The following STPG2 variants were observed in gnomAD, a reference collection of about 807,000 sequenced individuals.
STPG2 encodes the protein sperm tail PG-rich repeat containing 2.
A neutral mutation model predicts 54.2 loss-of-function variants in STPG2; 56 were observed. That is an observed-to-expected ratio of 1.03 (90% CI 0.83 to 1.29). The LOEUF is 1.29. STPG2 is among the 50% of genes most tolerant of loss of function. The pLI is 0.00. For synonymous variants in STPG2, 200 were observed against 181.8 expected (o/e 1.10, Z -0.81); for missense variants, 596 against 544.9 (o/e 1.09, Z -0.93).
At chr4:98,011,730 A>G (rs1735758255) in intron 5 of STPG2, among the ~76,000 whole-genome samples, 1 of 151,978 alleles carries the variant, frequency 6.6e-6, no homozygotes, top group South Asian at 2.1e-4. Context: ...AGCTTTTTTC[A>G]TATGTTTGTT....
In STPG2 at chr4:97,862,661, C is replaced by G. The variant is rs543727214; in HGVS notation, c.1045-21729G>C. Among the ~76,000 whole-genome samples the G allele has an allele frequency of 4.6e-5, 7 of 152,212 alleles. No individual in the cohort carries two copies. In the South Asian group the frequency reaches 1.5e-3, roughly 32 times the overall value. Reference sequence around the variant, plus strand: ...AATATACATTCTTCTCAGCACCACACCACACCTATTCCAAAATTCACCACG... The same window carrying G: ...AATATACATTCTTCTCAGCACCACAGCACACCTATTCCAAAATTCACCACG... On this transcript the variant is annotated intron_variant, in intron 8 of 10. Coordinates refer to ENST00000295268, the MANE Select transcript of STPG2 (RefSeq NM_174952.3).
chr4:97,578,357 A>G lies in STPG2; in HGVS notation c.1321-19240T>C, dbSNP rs184513558. Among the ~76,000 whole-genome samples the G allele has an allele frequency of 4.1e-3, 626 of 152,218 alleles. 3 individuals carry two copies. Among genetic ancestry groups the G allele is most frequent in the South Asian group, 0.02 (95 of 4,820 alleles). ...TCTATGACCAAATTATCTGGCCTAAAGAGGAGGTCATGGGAAGTTTCAATA... is the reference window on the plus strand; with the variant it reads ...TCTATGACCAAATTATCTGGCCTAAGGAGGAGGTCATGGGAAGTTTCAATA... On this transcript the variant is annotated intron_variant, in intron 10 of 10. Transcript: ENST00000295268.
chr4:97,846,903 C>T (rs920893140), intron 8 of STPG2, among the ~76,000 whole-genome samples: 2 of 152,072 alleles, frequency 1.3e-5, no homozygotes, highest in South Asian at 2.1e-4. Context: ...TATCTTATAA[C>T]TTGTTCTAGC....
chr4:97,659,357 C>T (rs1722307676), intron 10 of STPG2, among the ~76,000 whole-genome samples: 2 of 152,146 alleles, frequency 1.3e-5, no homozygotes, highest in African/African-American at 4.8e-5. Flanking sequence ...TTCTACAAAG[C>T]ACTGAAGATA....
intron 10 of STPG2, among the ~76,000 whole-genome samples, chr4:97,635,410 G>T (rs1205657882): frequency 6.6e-6 from 1 of 152,156 alleles, no homozygotes; most frequent in Non-Finnish European, 1.5e-5. Flanking sequence ...AGACCATTGA[G>T]ACTAGGAAGA....
At chr4:97,850,873 T>A (rs543776357) in intron 8 of STPG2, among the ~76,000 whole-genome samples, 431 of 152,304 alleles carry the variant, frequency 2.8e-3, no homozygotes, top group African/African-American at 7.2e-3. Context: ...AATGAATGAA[T>A]ACTGGGTAAG....
intron 10 of STPG2, among the ~76,000 whole-genome samples, chr4:97,702,888 T>G (rs1723818329): frequency 6.6e-6 from 1 of 152,140 alleles, no homozygotes. Flanking sequence ...AGAGCTTGTG[T>G]CTATTTTTCC....
intron 9 of STPG2, among the ~76,000 whole-genome samples, chr4:97,778,393 G>A (rs540241335): frequency 1.4e-4 from 22 of 152,278 alleles, no homozygotes; most frequent in Non-Finnish European, 2.2e-4. Context: ...GGGGAGGGGC[G>A]TCCAACATTG....
intron 8 of STPG2, among the ~76,000 whole-genome samples, chr4:97,942,422 AAC>A (rs1733022086): frequency 6.6e-6 from 1 of 152,094 alleles, no homozygotes; most frequent in African/African-American, 2.4e-5. Context: ...AATCCATTAA[AAC>A]AGCACTATTA....
intron 4 of STPG2, among the ~76,000 whole-genome samples, chr4:97,463,858 T>C (rs1729727242): frequency 6.6e-6 from 1 of 152,214 alleles, no homozygotes; most frequent in South Asian, 2.1e-4. Context: ...TCCTTAGCAT[T>C]CATCGAATGT....
intron 10 of STPG2, among the ~76,000 whole-genome samples, chr4:97,626,861 A>G (rs1211583629): frequency 6.6e-6 from 1 of 152,090 alleles, no homozygotes; most frequent in Non-Finnish European, 1.5e-5. Context: ...TGGGATATAG[A>G]AATGCAATTG....
At chr4:97,753,176 T>C (rs1171066922) in intron 9 of STPG2, among the ~76,000 whole-genome samples, 1 of 151,932 alleles carries the variant, frequency 6.6e-6, no homozygotes, top group Admixed American at 6.6e-5. Flanking sequence ...CCACCACCAC[T>C]TCCCAAAACT....
chr4:97,904,171 C>A lies in STPG2; in HGVS notation c.1044+39726G>T, dbSNP rs544064928. On this transcript the variant is annotated intron_variant, in intron 8 of 10. Transcript: ENST00000295268. ...AGGGCACAGAAAAACAAAAAGACAG[C>A]AGTAACCTCTGCAGACTTAAATGTC... is the stretch of plus-strand genomic sequence containing the variant. 4.2e-3 allele frequency among the ~76,000 whole-genome samples: 642 copies of A among 152,296 alleles called. 3 individuals are homozygous for A. The highest frequency in any genetic ancestry group is 0.024 in the South Asian group (116 of 4,826).
intron 4 of STPG2, among the ~76,000 whole-genome samples, chr4:97,470,591 G>A (rs1223208372): frequency 6.6e-6 from 1 of 151,828 alleles, no homozygotes; most frequent in Non-Finnish European, 1.5e-5. Flanking sequence ...ACATTCTTAT[G>A]ATAAAGTTTA....
At chr4:97,459,939 G>C (rs1224843767) in intron 4 of STPG2, among the ~76,000 whole-genome samples, 1 of 151,974 alleles carries the variant, frequency 6.6e-6, no homozygotes, top group Non-Finnish European at 1.5e-5. Flanking sequence ...ATGTTTCTTG[G>C]ATATTTCACT....
At chr4:98,120,820 G>T (rs1262654114) in intron 3 of STPG2, among the ~76,000 whole-genome samples, 1 of 152,080 alleles carries the variant, frequency 6.6e-6, no homozygotes, top group African/African-American at 2.4e-5. Context: ...CTGTCAAATG[G>T]ATAGATTGCA....
At chr4:97,997,761 G>GA (rs941432926) in intron 5 of STPG2, among the ~76,000 whole-genome samples, 33 of 152,272 alleles carry the variant, frequency 2.2e-4, no homozygotes, top group South Asian at 4.1e-4. Flanking sequence ...CACAGGAACA[G>GA]AAAACCAAAT....
intron 4 of STPG2, among the ~76,000 whole-genome samples, chr4:97,552,450 C>G (rs982179583): frequency 6.6e-6 from 1 of 151,902 alleles, no homozygotes; most frequent in African/African-American, 2.4e-5. Flanking sequence ...CACTTCTGTC[C>G]CTTCTTTGCC....
At chr4:97,799,843 TTC>T (rs1290563380) in intron 9 of STPG2, among the ~76,000 whole-genome samples, 3 of 152,304 alleles carry the variant, frequency 2.0e-5, no homozygotes, top group Admixed American at 2.0e-4. Context: ...ATTTGGTCTT[TTC>T]ACATAGTCCC....
Sources: allele counts gnomAD v4.1 joint callset (sites outside exome capture counted in the v4.1 genomes callset), GRCh38; gene constraint gnomAD v4.1.1; transcripts MANE v1.5; gene names NCBI Gene and HGNC (gene_info 2026-07-23, HGNC 2026-07-21).